Variants in PCDHA1 observed in about 807,000 individuals in gnomAD.
The protein encoded by PCDHA1 is protocadherin alpha 1, also known as protocadherin alpha-1.
Under a neutral mutation model 61.3 loss-of-function variants are expected in PCDHA1, and 42 were observed. The observed-to-expected ratio is 0.69, with a 90% CI of 0.54 to 0.89. The LOEUF (loss-of-function observed/expected upper bound fraction) is 0.89. Ranked by LOEUF, PCDHA1 falls within the 40% of genes least tolerant of loss-of-function variation. The probability of loss-of-function intolerance (pLI) is 0.00; values close to 1 mark genes in which losing one functional copy is unlikely to be tolerated. For synonymous variants in PCDHA1, 610 were observed against 553.8 expected (o/e 1.10, Z -1.43); for missense variants, 1,256 against 1,235.3 (o/e 1.02, Z -0.25).
chr5:140,883,032 C>T, intron 1 of PCDHA1: 1 of 1,614,064 alleles, frequency 6.2e-7, no homozygotes. Context: ...TTAGAGAACG[C>T]CTTCAATGGA....
chr5:140,856,947 A>C (rs1486886568), intron 1 of PCDHA1: 2 of 1,592,142 alleles, frequency 1.3e-6, no homozygotes, highest in Non-Finnish European at 1.7e-6. Context: ...AGGACGGGAG[A>C]AATAAAAGTA....
chr5:140,790,576 C>T (rs1157090763), intron 1 of PCDHA1, among the ~76,000 whole-genome samples: 2 of 152,168 alleles, frequency 1.3e-5, no homozygotes, highest in Non-Finnish European at 2.9e-5. Flanking sequence ...CTTAGCATCA[C>T]GTTGCCAAGA....
chr5:140,972,660 A>AT (rs11350929), intron 1 of PCDHA1, among the ~76,000 whole-genome samples: 2,691 of 117,234 alleles, frequency 0.023, 50 homozygotes, highest in South Asian at 0.067. Context: ...AAGAAACCAA[A>AT]TTTTTTTTTT....
intron 1 of PCDHA1, among the ~76,000 whole-genome samples, chr5:140,884,876 C>A (rs1554181909): frequency 6.6e-6 from 1 of 152,096 alleles, no homozygotes; most frequent in African/African-American, 2.4e-5. Context: ...ATGAAATGTG[C>A]AAAACAAGAA....
At chr5:140,795,540 G>T (rs1554119483) in intron 1 of PCDHA1, 2 of 1,614,106 alleles carry the variant, frequency 1.2e-6, no homozygotes, top group South Asian at 2.2e-5. Flanking sequence ...GCGAATCTTT[G>T]TCTCTCGTGC....
At chr5:140,832,358 T>A (rs1293168381) in intron 1 of PCDHA1, among the ~76,000 whole-genome samples, 1 of 152,224 alleles carries the variant, frequency 6.6e-6, no homozygotes, top group African/African-American at 2.4e-5. Context: ...TTTCCTAATG[T>A]GAGCATTTTC....
intron 1 of PCDHA1, among the ~76,000 whole-genome samples, chr5:140,840,756 A>T (rs1776857330): frequency 2.6e-5 from 4 of 152,114 alleles, no homozygotes; most frequent in Non-Finnish European, 5.9e-5. Context: ...GAACACAAGA[A>T]GATAAAATGT....
At chr5:140,815,435 T>G (rs1765725107) in intron 1 of PCDHA1, 1 of 152,166 alleles carries the variant, frequency 6.6e-6, no homozygotes, top group Non-Finnish European at 1.5e-5. Context: ...TGATAGCATC[T>G]TTACTACAAT....
At chr5:140,966,889 C>T in intron 1 of PCDHA1, 1 of 1,593,902 alleles carries the variant, frequency 6.3e-7, no homozygotes, top group Non-Finnish European at 8.5e-7. Flanking sequence ...GCCCTGCGGC[C>T]TCCCAGCTGC....
chr5:140,836,198 G>C lies in PCDHA1; in HGVS notation c.2394+47514G>C. The C allele has an allele frequency of 3.1e-6, 5 of 1,613,862 alleles. 1 individual carries two copies. The South Asian group carries it at 5.5e-5, about 18-fold the overall frequency. ...TTGACGCTGACTCAGGCTACAACGC[G>C]TGGCTTTCGTATGAGTTGCAACCGG... is the stretch of plus-strand genomic sequence containing the variant. On this transcript the variant is annotated intron_variant, in intron 1 of 3. Transcript: ENST00000504120.
Position 140,942,409 on chromosome 5 carries a change from T to TA in PCDHA1, c.2395-36528dup, listed in dbSNP as rs78736997. On this transcript the variant is annotated intron_variant, in intron 1 of 3. Coordinates refer to ENST00000504120, the MANE Select transcript of PCDHA1 (RefSeq NM_018900.4). Reference sequence around the variant, plus strand: ...CCTGGGCGACAGATGAGACTCTGTTTAAAAAAAAAAAAGATATCTAACAAT... The same window carrying TA: ...CCTGGGCGACAGATGAGACTCTGTTTAAAAAAAAAAAAAGATATCTAACAAT... Among the ~76,000 whole-genome samples, 1,256 of 143,596 alleles carry TA rather than the reference T, an allele frequency of 8.7e-3. 8 individuals are homozygous for TA. Among genetic ancestry groups the TA allele is most frequent in the African/African-American group, 0.03 (1,168 of 39,342 alleles). 94.2% of individuals were successfully genotyped at this position (143,596 alleles called of 152,430 possible).
intron 1 of PCDHA1, among the ~76,000 whole-genome samples, chr5:140,892,991 A>G (rs1477087965): frequency 1.3e-5 from 2 of 152,196 alleles, no homozygotes; most frequent in African/African-American, 2.4e-5. Context: ...TATAAGTGAG[A>G]ACATGTATTT....
chr5:140,836,608 C>T (rs2150265408), intron 1 of PCDHA1: 1 of 1,613,636 alleles, frequency 6.2e-7, no homozygotes, highest in Non-Finnish European at 8.5e-7. Context: ...CTGGTGTGCT[C>T]CAGCGCGGTG....
chr5:140,883,175 A>G lies in PCDHA1; in HGVS notation c.2394+94491A>G, dbSNP rs1554177014. ...CATAAATCCGAACAATGGAGAAATTAGGACAAAAGGCAAACTAGATTTCGA... is the reference window on the plus strand; with the variant it reads ...CATAAATCCGAACAATGGAGAAATTGGGACAAAAGGCAAACTAGATTTCGA... On this transcript the variant is annotated intron_variant, in intron 1 of 3. Coordinates refer to ENST00000504120, the MANE Select transcript of PCDHA1 (RefSeq NM_018900.4). 3 of 1,614,060 alleles carry G rather than the reference A, an allele frequency of 1.9e-6. No individual in the cohort carries two copies. Among genetic ancestry groups the G allele is most frequent in the East Asian group, 4.5e-5 (2 of 44,892 alleles).
intron 1 of PCDHA1, chr5:140,930,241 C>T (rs2086688232): frequency 1.3e-5 from 2 of 152,148 alleles, no homozygotes; most frequent in African/African-American, 2.4e-5. Context: ...ATCCAAAGTC[C>T]ATTCAACTTG....
chr5:140,928,106 G>A, intron 1 of PCDHA1: 4 of 1,614,150 alleles, frequency 2.5e-6, no homozygotes, highest in Non-Finnish European at 3.4e-6. Context: ...CCCCTGGACC[G>A]GGAGCAGATC....
At chr5:140,876,577 A>T in intron 1 of PCDHA1, 2 of 1,614,182 alleles carry the variant, frequency 1.2e-6, no homozygotes, top group Non-Finnish European at 1.7e-6. Flanking sequence ...GGGTACCGTC[A>T]TTGCCCTGAT....
chr5:140,786,826 C>T lies in PCDHA1; in HGVS notation c.536C>T (p.Ser179Phe), dbSNP rs139307990. ...ACGCTCAGCCCGAGTGATTATTTCT[C>T]TTTGGATGTAGAGGCAAGTGATGAA... is the stretch of plus-strand genomic sequence containing the variant. Reference protein sequence around the residue: ...TYTLSPSDYFSLDVEASDELS... With the variant: ...TYTLSPSDYFFLDVEASDELS... Residue 179 changes from serine to phenylalanine, a missense_variant, in exon 1 of 4, where the codon TCT becomes TTT. Physicochemically the swap from Ser to Phe is radical, Grantham distance 155 (BLOSUM62 -2). Transcript: ENST00000504120. 2.5e-6 allele frequency: 4 copies of T among 1,614,050 alleles called. No homozygotes were observed. The highest frequency in any genetic ancestry group is 3.4e-6 in the Non-Finnish European group (4 of 1,180,024).
intron 1 of PCDHA1, among the ~76,000 whole-genome samples, chr5:140,921,752 C>T (rs1429216387): frequency 6.6e-6 from 1 of 152,130 alleles, no homozygotes; most frequent in Non-Finnish European, 1.5e-5. Context: ...TAACAGGACA[C>T]TTCTTGGCTA....
Sources: allele counts gnomAD v4.1 joint callset (sites outside exome capture counted in the v4.1 genomes callset), GRCh38; gene constraint gnomAD v4.1.1; transcripts MANE v1.5; gene names NCBI Gene and HGNC (gene_info 2026-07-23, HGNC 2026-07-21).